Variants in WDR41 observed in about 807,000 individuals in gnomAD.
The protein encoded by WDR41 is WD repeat-containing protein 41.
A neutral mutation model predicts 69.3 loss-of-function variants in WDR41; 63 were observed. That is an observed-to-expected ratio of 0.91 (90% CI 0.74 to 1.12). The LOEUF (loss-of-function observed/expected upper bound fraction) is 1.12. Among genes scored for constraint, WDR41 ranks in the 50% most tolerant of loss-of-function variants. The pLI, the probability that WDR41 is intolerant of heterozygous loss-of-function variation, is 0.00. For synonymous variants in WDR41, 185 were observed against 192.1 expected (o/e 0.96, Z 0.31); for missense variants, 543 against 534.5 (o/e 1.02, Z -0.16).
At chr5:77,435,739 T>G (rs914877714) in intron 12 of WDR41, among the ~76,000 whole-genome samples, 34 of 152,346 alleles carry the variant, frequency 2.2e-4, no homozygotes, top group African/African-American at 7.7e-4. Context: ...GATTTCTACA[T>G]GTTAAAAGCT....
intron 1 of WDR41, among the ~76,000 whole-genome samples, chr5:77,560,630 A>G (rs941481376): frequency 6.6e-6 from 1 of 152,164 alleles, no homozygotes; most frequent in African/African-American, 2.4e-5. Context: ...AAAAAGAAAA[A>G]AAAAGTCCTT....
intron 1 of WDR41, among the ~76,000 whole-genome samples, chr5:77,534,096 A>G (rs1422130557): frequency 1.3e-5 from 2 of 152,228 alleles, no homozygotes; most frequent in African/African-American, 2.4e-5. Context: ...CTGCAGCTGA[A>G]TCTAAAGATT....
intron 3 of WDR41, 26 bp downstream of exon 3, chr5:77,464,735 A>T (rs1049522059): frequency 2.5e-6 from 4 of 1,611,028 alleles, no homozygotes; most frequent in Middle Eastern, 1.7e-4. Context: ...TCTTTATCAC[A>T]CAATCCACAC....
At chr5:77,480,880 C>A (rs1801205288) in intron 2 of WDR41, among the ~76,000 whole-genome samples, 1 of 151,786 alleles carries the variant, frequency 6.6e-6, no homozygotes, top group Admixed American at 6.6e-5. Flanking sequence ...TGTGTGACTT[C>A]TATTAGGTGA....
At chr5:77,507,107 T>C (rs1459418425) in intron 1 of WDR41, among the ~76,000 whole-genome samples, 1 of 152,142 alleles carries the variant, frequency 6.6e-6, no homozygotes, top group Non-Finnish European at 1.5e-5. Flanking sequence ...GAAGAACAAC[T>C]GAAGGGAGCA....
intron 1 of WDR41, among the ~76,000 whole-genome samples, chr5:77,596,153 G>A (rs143130859): frequency 2.0e-5 from 3 of 152,236 alleles, no homozygotes; most frequent in African/African-American, 4.8e-5. Context: ...GATCTAAAAT[G>A]TAGAAGGTTT....
chr5:77,451,162 T>G, intron 7 of WDR41, 129 bp downstream of exon 7: 1 of 799,036 alleles, frequency 1.3e-6, no homozygotes, highest in Non-Finnish European at 2.0e-6. Flanking sequence ...CTGTATCACT[T>G]CAACAATCCC....
intron 1 of WDR41, among the ~76,000 whole-genome samples, chr5:77,607,570 T>C (rs1325536708): frequency 2.0e-5 from 3 of 152,234 alleles, no homozygotes; most frequent in Non-Finnish European, 4.4e-5. Flanking sequence ...CCCTGTGTCC[T>C]CCTCTAGTTT....
At chr5:77,441,561 A>G (rs563555805) in intron 8 of WDR41, among the ~76,000 whole-genome samples, 31 of 152,288 alleles carry the variant, frequency 2.0e-4, no homozygotes, top group African/African-American at 7.0e-4. Context: ...CAATATGGTG[A>G]AACCCCATCT....
At chr5:77,572,146 CT>C (rs1216997258) in intron 1 of WDR41, among the ~76,000 whole-genome samples, 1 of 152,192 alleles carries the variant, frequency 6.6e-6, no homozygotes. Context: ...TAAAAGCTAT[CT>C]TAGTAACGAC....
chr5:77,501,798 T>C (rs564156556), intron 1 of WDR41, among the ~76,000 whole-genome samples: 77 of 152,192 alleles, frequency 5.1e-4, no homozygotes, highest in African/African-American at 1.8e-3. Context: ...GGGTCCTGAC[T>C]GTTAGAATGA....
At chr5:77,574,609 C>G (rs2112279480) in intron 1 of WDR41, among the ~76,000 whole-genome samples, 1 of 152,264 alleles carries the variant, frequency 6.6e-6, no homozygotes, top group East Asian at 1.9e-4. Context: ...ATTTTAAAGA[C>G]TGAATTTTTT....
At chr5:77,554,648 A>G (rs950728434) in intron 1 of WDR41, among the ~76,000 whole-genome samples, 1 of 150,258 alleles carries the variant, frequency 6.7e-6, no homozygotes, top group Non-Finnish European at 1.5e-5. Context: ...AGTATAATTT[A>G]TAACTTATTT....
chr5:77,478,550 T>C (rs1474852404), intron 2 of WDR41, among the ~76,000 whole-genome samples: 1 of 152,162 alleles, frequency 6.6e-6, no homozygotes, highest in Non-Finnish European at 1.5e-5. Flanking sequence ...TAATCCATCA[T>C]ATAAACAGAA....
At chr5:77,558,094 T>TTAAAAAAAAAAAAAAAAAA (rs1554036365) in intron 1 of WDR41, among the ~76,000 whole-genome samples, 8 of 104,278 alleles carry the variant, frequency 7.7e-5, no homozygotes, top group African/African-American at 2.9e-4. Context: ...ATGTTCTTTT[T>TTAAAAAAAAAAAAAAAAAA]AAAAAAAAAA....
At chr5:77,438,162 C>T in intron 10 of WDR41, 78 bp downstream of exon 10, 3 of 1,589,132 alleles carry the variant, frequency 1.9e-6, no homozygotes, top group Non-Finnish European at 2.6e-6. Flanking sequence ...GGTAACTTGG[C>T]CACTTGAGAA....
In WDR41 at chr5:77,597,320, G is replaced by A. The variant is rs540564278; in HGVS notation, c.42+23159C>T. The stretch of plus-strand genomic sequence containing the variant: ...AGAATAACTCTTTAAAAACAATCCA[G>A]AAAATTGAGGAAAAGGTACTTTGAA... On this transcript the variant is annotated intron_variant, in intron 1 of 5. Coordinates refer to the WDR41 transcript ENST00000509971. 2.0e-5 allele frequency among the ~76,000 whole-genome samples: 3 copies of A among 152,216 alleles called. No individual in the cohort carries two copies. In the South Asian group the frequency reaches 6.2e-4, roughly 32 times the overall value.
intron 2 of WDR41, among the ~76,000 whole-genome samples, chr5:77,470,960 C>G (rs997188827): frequency 2.0e-5 from 3 of 152,180 alleles, no homozygotes; most frequent in African/African-American, 7.2e-5. Context: ...CACCCCAAAT[C>G]AACAGAATAT....
chr5:77,572,984 A>C (rs1041611519), intron 1 of WDR41, among the ~76,000 whole-genome samples: 1 of 152,100 alleles, frequency 6.6e-6, no homozygotes, highest in African/African-American at 2.4e-5. Flanking sequence ...CCTTCTTCAA[A>C]TCTCCCTCTC....
Sources: gnomAD v4.1 joint callset for allele counts (sites outside exome capture counted in the v4.1 genomes callset) on GRCh38, gnomAD v4.1.1 for gene constraint, MANE v1.5 for transcripts, NCBI Gene and HGNC (gene_info 2026-07-23, HGNC 2026-07-21) for gene names.